Variants in NLRP8 observed in about 807,000 individuals in gnomAD.
NLRP8 encodes the protein NACHT, LRR and PYD domains-containing protein 8.
A neutral mutation model predicts 88.7 loss-of-function variants in NLRP8; 86 were observed. The observed-to-expected ratio is 0.97, with a 90% confidence interval of 0.81 to 1.16. The LOEUF is 1.16. Among genes scored for constraint, NLRP8 ranks in the 50% most tolerant of loss-of-function variants. The probability of loss-of-function intolerance (pLI) is 0.00; values close to 1 mark genes in which losing one functional copy is unlikely to be tolerated. For synonymous variants in NLRP8, 504 were observed against 494.6 expected (o/e 1.02, Z -0.25); for missense variants, 1,342 against 1,286.5 (o/e 1.04, Z -0.66).
chr19:55,978,923 C>G (rs1316254390), intron 8 of NLRP8, among the ~76,000 whole-genome samples: 1 of 151,744 alleles, frequency 6.6e-6, no homozygotes, highest in African/African-American at 2.4e-5. Context: ...GACTCAGTCT[C>G]CAAAAAAAAT....
intron 1 of NLRP8, among the ~76,000 whole-genome samples, chr19:55,951,344 G>A (rs1032947354): frequency 2.6e-5 from 4 of 152,180 alleles, no homozygotes; most frequent in Admixed American, 6.5e-5. Flanking sequence ...TGAAAATGTT[G>A]TAACCAGAGA....
chr19:55,955,864 G>A lies in NLRP8; in HGVS notation c.1806G>A (p.Pro602=), dbSNP rs769278950. ...TGCATAAATGTGACCCACCTTCTCC[G>A]GGCAGTGGGGTCCCGCAGTTATTCT... The change falls in exon 3 of 10, where the codon CCG becomes CCA. Residue 602 remains proline (P), a synonymous_variant. Coordinates refer to ENST00000291971, the MANE Select transcript of NLRP8 (RefSeq NM_176811.2). The A allele has an allele frequency of 2.0e-5, 32 of 1,614,036 alleles. No individual in the cohort carries two copies. Among genetic ancestry groups the A allele is most frequent in the Admixed American group, 1.0e-4 (6 of 59,998 alleles).
At chr19:55,979,619 G>A (rs1980491606) in intron 9 of NLRP8, 55 bp downstream of exon 9, 2 of 1,595,922 alleles carry the variant, frequency 1.3e-6, no homozygotes, top group Non-Finnish European at 1.7e-6. Flanking sequence ...GAAGCTCCTT[G>A]TAAAACGTGA....
Position 55,952,599 on chromosome 19 carries a change from G to A in NLRP8, c.429G>A (p.Glu143=). ...TGGGAGAAACACAGGTGAATCTGGA[G>A]GAAGGAGAATCTGGTATGTGCCTGT... The change falls in exon 2 of 10, where the codon GAG becomes GAA. Residue 143 remains glutamate (E), a synonymous_variant. Coordinates refer to ENST00000291971, the MANE Select transcript of NLRP8 (RefSeq NM_176811.2). The A allele has an allele frequency of 1.2e-6, 2 of 1,613,924 alleles. No individual in the cohort carries two copies.
intron 3 of NLRP8, among the ~76,000 whole-genome samples, chr19:55,957,673 T>TAATATA (rs1378405360): frequency 1.3e-4 from 4 of 31,212 alleles, no homozygotes; most frequent in African/African-American, 9.6e-4. Context: ...AAAATAATAA[T>TAATATA]TATATATATA....
At chr19:55,971,507 A>G (rs1026634836) in intron 6 of NLRP8, among the ~76,000 whole-genome samples, 1 of 150,458 alleles carries the variant, frequency 6.6e-6, no homozygotes, top group Non-Finnish European at 1.5e-5. Flanking sequence ...TCCCTGATCT[A>G]TATCTTAGTG....
rs767444126 is a variant in NLRP8 at position 55,954,654 on chromosome 19, A to G, written c.596A>G (p.Gln199Arg). ...TGTCTGCTTCTGCCCAAAAGACCCC[A>G]GGGTAGACAGCCCAAGACCGTGGCC... The change falls in exon 3 of 10, where the codon CAG (glutamine) becomes CGG (arginine). Residue 199 changes from glutamine (Q) to arginine (R), a missense_variant. Coordinates refer to ENST00000291971, the MANE Select transcript of NLRP8 (RefSeq NM_176811.2). The G allele has an allele frequency of 1.9e-6, 3 of 1,614,208 alleles. No homozygotes were observed. Among genetic ancestry groups the G allele is most frequent in the African/African-American group, 1.3e-5 (1 of 75,044 alleles).
chr19:55,977,828 T>A (rs1878939405), intron 8 of NLRP8, among the ~76,000 whole-genome samples: 1 of 152,092 alleles, frequency 6.6e-6, no homozygotes, highest in South Asian at 2.1e-4. Context: ...GTAGAACATC[T>A]TTCATTTCCA....
chr19:55,963,477 G>A (rs997172154), intron 4 of NLRP8, among the ~76,000 whole-genome samples: 2 of 152,174 alleles, frequency 1.3e-5, no homozygotes, highest in African/African-American at 4.8e-5. Context: ...TGCCTGCGTG[G>A]GGTAAGCCTC....
Position 55,988,448 on chromosome 19 carries a change from A to G in NLRP8, c.*535A>G, listed in dbSNP as rs970001540. The G allele has an allele frequency of 8.2e-6, 1 of 122,130 alleles. No individual in the cohort carries two copies. The highest frequency in any genetic ancestry group is 1.7e-5 in the Non-Finnish European group (1 of 58,240). 7.6% of individuals were successfully genotyped at this position (122,130 alleles called of 1,614,324 possible). ...TAAATATATATATGTGTGTGTGTAT[A>G]TATATATATATATATATATATGCTA... On this transcript the variant is annotated 3_prime_UTR_variant, in exon 10 of 10. Coordinates refer to ENST00000291971, the MANE Select transcript of NLRP8 (RefSeq NM_176811.2).
intron 9 of NLRP8, among the ~76,000 whole-genome samples, chr19:55,985,219 C>T (rs887846264): frequency 2.6e-5 from 4 of 152,096 alleles, no homozygotes; most frequent in African/African-American, 9.7e-5. Context: ...AGGAGAATCG[C>T]TTGAACTGGG....
intron 6 of NLRP8, among the ~76,000 whole-genome samples, chr19:55,973,120 T>C (rs1980153519): frequency 6.6e-6 from 1 of 152,126 alleles, no homozygotes; most frequent in Non-Finnish European, 1.5e-5. Context: ...CACCTTTCTT[T>C]TTATTGTTTG....
intron 9 of NLRP8, among the ~76,000 whole-genome samples, chr19:55,983,288 AC>A (rs1172970403): frequency 6.6e-6 from 1 of 151,470 alleles, no homozygotes; most frequent in African/African-American, 2.4e-5. Context: ...ACGTGGTAAA[AC>A]CCCATCTCTA....
chr19:55,954,844 A>G lies in NLRP8; in HGVS notation c.786A>G (p.Gln262=). ...AGAGCTTCTCCGAGCTGATTGAGCAAAAGTGGCCTGGATCTCAGGACCTCG... is the reference window on the plus strand; with the variant it reads ...AGAGCTTCTCCGAGCTGATTGAGCAGAAGTGGCCTGGATCTCAGGACCTCG... Residue 262 remains glutamine (Q), a synonymous_variant, in exon 3 of 10, where the codon CAA becomes CAG. Coordinates refer to ENST00000291971, the MANE Select transcript of NLRP8 (RefSeq NM_176811.2). 6.2e-6 allele frequency: 10 copies of G among 1,614,208 alleles called. No individual in the cohort carries two copies. Among genetic ancestry groups the G allele is most frequent in the Non-Finnish European group, 8.5e-6 (10 of 1,180,040 alleles).
intron 9 of NLRP8, among the ~76,000 whole-genome samples, chr19:55,980,231 T>C (rs976550122): frequency 3.3e-5 from 5 of 152,162 alleles, no homozygotes; most frequent in African/African-American, 1.2e-4. Context: ...AAAATTGGGA[T>C]GGTGTCTTCT....
At chr19:55,984,497 A>G (rs1182629332) in intron 9 of NLRP8, among the ~76,000 whole-genome samples, 1 of 150,556 alleles carries the variant, frequency 6.6e-6, no homozygotes, top group Admixed American at 6.7e-5. Context: ...TCTACTAAAA[A>G]TACAAAATTA....
In NLRP8 at chr19:55,955,932, C is replaced by T. The variant is rs769349924; in HGVS notation, c.1874C>T (p.Ala625Val). The change falls in exon 3 of 10, where the codon GCC (alanine) becomes GTC (valine). Residue 625 changes from alanine (A) to valine (V), a missense_variant. Ala to Val is a moderately conservative substitution (Grantham distance 64). Coordinates refer to ENST00000291971, the MANE Select transcript of NLRP8 (RefSeq NM_176811.2). The stretch of plus-strand genomic sequence containing the variant: ...CGGGAGGAAGCCTTTGTAAGCCAAG[C>T]CCTAAATGATTATCATAAAGTTGTC... 2.5e-6 allele frequency: 4 copies of T among 1,614,004 alleles called. No homozygotes were observed. The highest frequency in any genetic ancestry group is 2.2e-5 in the East Asian group (1 of 44,890).
intron 4 of NLRP8, among the ~76,000 whole-genome samples, chr19:55,965,673 T>C (rs1045475975): frequency 9.9e-5 from 15 of 151,818 alleles, no homozygotes; most frequent in African/African-American, 3.6e-4. Flanking sequence ...TTTTTTATTA[T>C]ACTTTAAGTT....
chr19:55,966,915 A>G (rs1979869335), intron 5 of NLRP8, among the ~76,000 whole-genome samples: 1 of 152,114 alleles, frequency 6.6e-6, no homozygotes, highest in African/African-American at 2.4e-5. Context: ...AAAGCTGGAT[A>G]TTTTCTAACT....
Sources: allele counts gnomAD v4.1 joint callset (sites outside exome capture counted in the v4.1 genomes callset), GRCh38; gene constraint gnomAD v4.1.1; transcripts MANE v1.5; gene names NCBI Gene and HGNC (gene_info 2026-07-23, HGNC 2026-07-21).